The following PLD5 variants were observed in gnomAD, a reference collection of about 807,000 sequenced individuals.
The protein encoded by PLD5 is inactive phospholipase D5.
A neutral mutation model predicts 61.1 loss-of-function variants in PLD5; 36 were observed. The observed-to-expected ratio is 0.59, with a 90% confidence interval of 0.45 to 0.78. The LOEUF is 0.78. Among genes scored for constraint, PLD5 ranks in the 30% least tolerant of loss-of-function variants. The pLI is 0.00. For missense variants in PLD5, 515 were observed against 644.4 expected (o/e 0.80, Z 2.17); for synonymous variants, 243 against 242.8 (o/e 1.00, Z -0.01).
At chr1:242,114,380 A>C (rs1661779582) in intron 6 of PLD5, among the ~76,000 whole-genome samples, 1 of 152,256 alleles carries the variant, frequency 6.6e-6, no homozygotes, top group African/African-American at 2.4e-5. Flanking sequence ...GGTAATTAGC[A>C]TATCTATCAT....
chr1:242,392,792 G>A (rs1398552707), intron 1 of PLD5, among the ~76,000 whole-genome samples: 2 of 152,120 alleles, frequency 1.3e-5, no homozygotes, highest in Admixed American at 6.6e-5. Flanking sequence ...TTGGTAATTA[G>A]GAATTCTGTC....
At chr1:242,096,635 C>T (rs1483503869) in intron 9 of PLD5, among the ~76,000 whole-genome samples, 2 of 151,918 alleles carry the variant, frequency 1.3e-5, no homozygotes, top group Non-Finnish European at 2.9e-5. Context: ...AGCCACCATA[C>T]CCAGCCTATT....
At chr1:242,342,534 G>A (rs1056551396) in intron 2 of PLD5, among the ~76,000 whole-genome samples, 1 of 152,182 alleles carries the variant, frequency 6.6e-6, no homozygotes, top group Non-Finnish European at 1.5e-5. Flanking sequence ...CCAAGTCACA[G>A]GATGCATGCA....
chr1:242,136,849 A>G (rs1182513746), intron 5 of PLD5, among the ~76,000 whole-genome samples: 1 of 152,212 alleles, frequency 6.6e-6, no homozygotes, highest in East Asian at 1.9e-4. Context: ...CAGTTAATGG[A>G]AGGAAGTCAT....
chr1:242,397,780 TCTTC>T (rs1175151937), intron 1 of PLD5, among the ~76,000 whole-genome samples: 13 of 143,718 alleles, frequency 9.0e-5, no homozygotes, highest in African/African-American at 3.3e-4. Flanking sequence ...TTCTTCTTCT[TCTTC>T]TTTTTTTTTT....
chr1:242,144,829 C>A (rs1664436295), intron 5 of PLD5, among the ~76,000 whole-genome samples: 1 of 151,946 alleles, frequency 6.6e-6, no homozygotes, highest in Non-Finnish European at 1.5e-5. Context: ...AAGCTGACTC[C>A]TGGGTTTCTT....
chr1:242,095,870 C>T (rs1391556420), intron 9 of PLD5, among the ~76,000 whole-genome samples: 1 of 152,140 alleles, frequency 6.6e-6, no homozygotes, highest in Non-Finnish European at 1.5e-5. Flanking sequence ...ATATTACTCT[C>T]CATAAGTTGG....
At chr1:242,482,522 G>T (rs1011200554) in intron 1 of PLD5, among the ~76,000 whole-genome samples, 2 of 152,132 alleles carry the variant, frequency 1.3e-5, no homozygotes, top group Non-Finnish European at 2.9e-5. Flanking sequence ...AGAATAAAAA[G>T]AAACAAACAA....
intron 5 of PLD5, among the ~76,000 whole-genome samples, chr1:242,202,573 G>A (rs949993760): frequency 6.6e-6 from 1 of 152,168 alleles, no homozygotes; most frequent in African/African-American, 2.4e-5. Context: ...TAACTCGAGA[G>A]AGGCTGGATG....
intron 3 of PLD5, among the ~76,000 whole-genome samples, chr1:242,276,098 T>G (rs1350063123): frequency 6.6e-6 from 1 of 151,926 alleles, no homozygotes; most frequent in Non-Finnish European, 1.5e-5. Flanking sequence ...AACCACTTGG[T>G]CAGGCCAGGC....
intron 1 of PLD5, among the ~76,000 whole-genome samples, chr1:242,452,600 G>T (rs921987008): frequency 6.6e-6 from 1 of 152,130 alleles, no homozygotes; most frequent in African/African-American, 2.4e-5. Context: ...TGGATCGCTT[G>T]AGCCCAGGAG....
chr1:242,160,161 GCCA>G (rs1665711616), intron 5 of PLD5, among the ~76,000 whole-genome samples: 1 of 152,026 alleles, frequency 6.6e-6, no homozygotes, highest in Non-Finnish European at 1.5e-5. Context: ...ACAGGCATGT[GCCA>G]CCACATCTGG....
rs559190255 is a variant in PLD5 at position 242,434,759 on chromosome 1, A to G, written c.190-86517T>C. Among the ~76,000 whole-genome samples the G allele has an allele frequency of 2.1e-4, 32 of 152,106 alleles. No homozygotes were observed. The South Asian group carries it at 5.0e-3, about 24-fold the overall frequency. On this transcript the variant is annotated intron_variant, in intron 1 of 9. Coordinates refer to ENST00000536534, the MANE Select transcript of PLD5 (RefSeq NM_001372062.1). ...CTCCCAAGTAGCTGGGACTACAGGC[A>G]CCCGCCACCACACCCAGCTAATTTT...
chr1:242,264,287 C>T (rs1261662776), intron 4 of PLD5, among the ~76,000 whole-genome samples: 1 of 152,314 alleles, frequency 6.6e-6, no homozygotes, highest in African/African-American at 2.4e-5. Context: ...CCAAGTAGCA[C>T]AGCACAGCTT....
intron 1 of PLD5, among the ~76,000 whole-genome samples, chr1:242,369,551 A>G (rs1462050047): frequency 6.6e-6 from 1 of 152,244 alleles, no homozygotes; most frequent in Non-Finnish European, 1.5e-5. Context: ...ATGCTTATAA[A>G]TAAACAAAGA....
At chr1:242,511,662 C>T (rs1668913756) in intron 1 of PLD5, among the ~76,000 whole-genome samples, 1 of 151,664 alleles carries the variant, frequency 6.6e-6, no homozygotes, top group African/African-American at 2.4e-5. Flanking sequence ...TTTAAACCGT[C>T]AAGGTGGTGA....
At chr1:242,180,985 A>C (rs1486660201) in intron 5 of PLD5, among the ~76,000 whole-genome samples, 1 of 151,956 alleles carries the variant, frequency 6.6e-6, no homozygotes, top group African/African-American at 2.4e-5. Context: ...TAGGTCTCAA[A>C]AAACAAACAA....
chr1:242,385,338 G>A (rs1220184856), intron 1 of PLD5, among the ~76,000 whole-genome samples: 1 of 152,070 alleles, frequency 6.6e-6, no homozygotes, highest in East Asian at 1.9e-4. Flanking sequence ...TAGACTTGCT[G>A]GCTCCTTGCT....
At chr1:242,368,832 C>T (rs1031178638) in intron 1 of PLD5, among the ~76,000 whole-genome samples, 7 of 152,184 alleles carry the variant, frequency 4.6e-5, no homozygotes, top group African/African-American at 1.4e-4. Flanking sequence ...CTCCATCTTT[C>T]AGGATGCCCT....
Sources: allele counts gnomAD v4.1 joint callset (sites outside exome capture counted in the v4.1 genomes callset), GRCh38; gene constraint gnomAD v4.1.1; transcripts MANE v1.5; gene names NCBI Gene and HGNC (gene_info 2026-07-23, HGNC 2026-07-21).